The following DCC variants were observed in gnomAD, a reference collection of about 807,000 sequenced individuals.
DCC encodes netrin receptor DCC.
A neutral mutation model predicts 172.5 loss-of-function variants in DCC; 58 were observed. The observed-to-expected ratio is 0.34, with a 90% CI of 0.27 to 0.42. The LOEUF is 0.42. DCC is among the 10% of genes least tolerant of loss of function. The pLI is 1.00. For synonymous variants in DCC, 709 were observed against 644.5 expected (o/e 1.10, Z -1.52); for missense variants, 1,740 against 1,791.0 (o/e 0.97, Z 0.51).
chr18:53,081,260 A>G (rs912171705), intron 7 of DCC, among the ~76,000 whole-genome samples: 4 of 152,038 alleles, frequency 2.6e-5, no homozygotes, highest in Admixed American at 2.6e-4. Flanking sequence ...TCACAAATTG[A>G]TTTTGCAGAG....
intron 7 of DCC, among the ~76,000 whole-genome samples, chr18:53,080,872 G>A (rs72917329): frequency 0.32 from 48,926 of 151,874 alleles, 8,935 homozygotes; most frequent in Non-Finnish European, 0.42. Context: ...GCCTTATCAT[G>A]CATCTTTAGT....
chr18:52,669,490 G>C (rs1381837204), intron 1 of DCC, among the ~76,000 whole-genome samples: 1 of 152,154 alleles, frequency 6.6e-6, no homozygotes, highest in Non-Finnish European at 1.5e-5. Flanking sequence ...GCCCAAGAAG[G>C]AACAAGGACA....
At chr18:52,765,979 C>T (rs918353730) in intron 2 of DCC, among the ~76,000 whole-genome samples, 1 of 152,192 alleles carries the variant, frequency 6.6e-6, no homozygotes, top group Non-Finnish European at 1.5e-5. Flanking sequence ...CAGGACGTTT[C>T]CCTGACCCCT....
At chr18:52,610,151 TAAAAAAAA>T (rs1171109968) in intron 1 of DCC, among the ~76,000 whole-genome samples, 728 of 18,826 alleles carry the variant, frequency 0.039, 55 homozygotes, top group Middle Eastern at 0.05. Context: ...CCATCTCTCA[TAAAAAAAA>T]AAAAAAAAAA....
At chr18:52,498,655 A>G (rs1327542075) in intron 1 of DCC, among the ~76,000 whole-genome samples, 1 of 152,018 alleles carries the variant, frequency 6.6e-6, no homozygotes, top group Non-Finnish European at 1.5e-5. Flanking sequence ...TAATAAAATA[A>G]AATAATGAAT....
At chr18:52,775,562 GTT>G (rs1472905127) in intron 2 of DCC, among the ~76,000 whole-genome samples, 1 of 152,212 alleles carries the variant, frequency 6.6e-6, no homozygotes, top group African/African-American at 2.4e-5. Context: ...TTCCCCCAGA[GTT>G]GGGCTGCTGG....
chr18:52,447,482 T>C (rs1004628397), intron 1 of DCC, among the ~76,000 whole-genome samples: 1 of 152,210 alleles, frequency 6.6e-6, no homozygotes, highest in African/African-American at 2.4e-5. Context: ...CCTTGGTGAC[T>C]GGAACAGGCT....
intron 1 of DCC, among the ~76,000 whole-genome samples, chr18:52,373,685 A>G (rs537570671): frequency 3.3e-5 from 5 of 152,056 alleles, no homozygotes; most frequent in African/African-American, 1.2e-4. Flanking sequence ...CTTTTGAGGA[A>G]AGTTAACCAA....
intron 1 of DCC, among the ~76,000 whole-genome samples, chr18:52,692,332 T>A (rs114251261): frequency 2.4e-3 from 364 of 152,270 alleles, no homozygotes; most frequent in African/African-American, 8.0e-3. Flanking sequence ...TTCCCAGCAC[T>A]CCCTTCTCAC....
intron 26 of DCC, among the ~76,000 whole-genome samples, chr18:53,492,775 C>A (rs1261546418): frequency 6.6e-6 from 1 of 150,828 alleles, no homozygotes; most frequent in African/African-American, 2.4e-5. Context: ...GCTTAGGATT[C>A]TCTTGGCTAT....
At chr18:52,646,781 C>T (rs2035027472) in intron 1 of DCC, among the ~76,000 whole-genome samples, 1 of 152,206 alleles carries the variant, frequency 6.6e-6, no homozygotes, top group Admixed American at 6.5e-5. Flanking sequence ...GAGACATTCA[C>T]TAACCAGGAT....
At chr18:52,485,266 A>G (rs1472396541) in intron 1 of DCC, among the ~76,000 whole-genome samples, 1 of 152,114 alleles carries the variant, frequency 6.6e-6, no homozygotes, top group Non-Finnish European at 1.5e-5. Flanking sequence ...AAAGATTATT[A>G]TGGTTCTGAC....
At chr18:52,568,700 C>A (rs554483923) in intron 1 of DCC, among the ~76,000 whole-genome samples, 21 of 151,958 alleles carry the variant, frequency 1.4e-4, no homozygotes, top group South Asian at 4.2e-4. Context: ...ACACACACAC[C>A]CCCACACTTC....
chr18:53,507,287 T>C (rs16956858), intron 27 of DCC, among the ~76,000 whole-genome samples: 15,997 of 152,174 alleles, frequency 0.11, 2,559 homozygotes, highest in African/African-American at 0.35. Flanking sequence ...TAATGGACTA[T>C]TGAAAATGTG....
intron 27 of DCC, among the ~76,000 whole-genome samples, chr18:53,507,439 A>G (rs2046194425): frequency 6.6e-6 from 1 of 152,258 alleles, no homozygotes; most frequent in African/African-American, 2.4e-5. Context: ...TTGAATGTTT[A>G]TAACTCTTAT....
rs148819965 is a variant in DCC at position 53,207,699 on chromosome 18, A to G, written c.1743A>G (p.Leu581=). Residue 581 remains leucine (L), a synonymous_variant, in exon 11 of 29, where the codon CTA becomes CTG. Coordinates refer to ENST00000442544, the MANE Select transcript of DCC (RefSeq NM_005215.4). ...TCCAGAATATAGAGGTTGATGGACT[A>G]TCTTATAAACTGGAAGGCCTGAAAA... ...GKEQNIEVDG[L]SYKLEGLKKF... is the part of the protein sequence containing the mutation. 1,706 of 1,613,702 alleles carry G rather than the reference A, an allele frequency of 1.1e-3. 3 individuals are homozygous for G. Among genetic ancestry groups the G allele is most frequent in the Non-Finnish European group, 1.3e-3 (1,575 of 1,179,678 alleles).
chr18:52,355,804 G>A (rs970102032), intron 1 of DCC, among the ~76,000 whole-genome samples: 3 of 152,108 alleles, frequency 2.0e-5, no homozygotes, highest in African/African-American at 7.2e-5. Flanking sequence ...ATGGGTGAGA[G>A]GTGCAGTTAG....
chr18:52,969,589 C>G (rs968008368), intron 5 of DCC, among the ~76,000 whole-genome samples: 3 of 88,522 alleles, frequency 3.4e-5, no homozygotes, highest in African/African-American at 8.1e-5. Context: ...CCCCCACTCT[C>G]TCTCTCTCTC....
intron 5 of DCC, among the ~76,000 whole-genome samples, chr18:52,939,940 T>C (rs111648603): frequency 0.012 from 1,777 of 152,128 alleles, 27 homozygotes; most frequent in African/African-American, 0.038. Flanking sequence ...GTAATCTTTG[T>C]ATAATGTGTA....
Sources: gnomAD v4.1 joint callset for allele counts (sites outside exome capture counted in the v4.1 genomes callset) on GRCh38, gnomAD v4.1.1 for gene constraint, MANE v1.5 for transcripts, NCBI Gene and HGNC (gene_info 2026-07-23, HGNC 2026-07-21) for gene names.